CCDC7: variants seen among roughly 807,000 people sequenced by gnomAD.
The protein encoded by CCDC7 is coiled-coil domain containing 7.
Under a neutral mutation model 196.9 loss-of-function variants are expected in CCDC7, and 183 were observed. The observed-to-expected ratio is 0.93, with a 90% CI of 0.82 to 1.05. The LOEUF (loss-of-function observed/expected upper bound fraction) is 1.05. Ranked by LOEUF, CCDC7 falls within the 50% of genes least tolerant of loss-of-function variation. CCDC7 has a pLI of 0.00. For synonymous variants in CCDC7, 525 were observed against 484.6 expected (o/e 1.08, Z -1.10); for missense variants, 1,540 against 1,482.2 (o/e 1.04, Z -0.64).
At chr10:32,722,738 C>G (rs1277973890) in intron 25 of CCDC7, among the ~76,000 whole-genome samples, 1 of 152,006 alleles carries the variant, frequency 6.6e-6, no homozygotes, top group Non-Finnish European at 1.5e-5. Context: ...TTCTGAGATA[C>G]TGAGGGTTAG....
chr10:32,786,622 A>G (rs1364472740), intron 29 of CCDC7, among the ~76,000 whole-genome samples: 1 of 152,158 alleles, frequency 6.6e-6, no homozygotes, highest in East Asian at 1.9e-4. Context: ...TTAGCCGGGC[A>G]TGGTAATGCA....
chr10:32,500,095 C>G lies in CCDC7; in HGVS notation c.872+8098C>G, dbSNP rs1328747485. Among the ~76,000 whole-genome samples the G allele has an allele frequency of 3.3e-5, 5 of 152,342 alleles. No individual in the cohort carries two copies. The East Asian group carries it at 7.7e-4, about 23-fold the overall frequency. On this transcript the variant is annotated intron_variant, in intron 9 of 41. Coordinates refer to ENST00000639629, the Ensembl canonical transcript of CCDC7. ...ACAAAACCGCCACTGTCATCATGGCCCGTTCTCCATGAGCTGTTGGGTACA... is the reference window on the plus strand; with the variant it reads ...ACAAAACCGCCACTGTCATCATGGCGCGTTCTCCATGAGCTGTTGGGTACA...
chr10:32,652,131 T>C (rs1383164948), intron 20 of CCDC7, among the ~76,000 whole-genome samples: 1 of 152,176 alleles, frequency 6.6e-6, no homozygotes, highest in Non-Finnish European at 1.5e-5. Flanking sequence ...TGTTACATCC[T>C]TCTGTTGTAT....
upstream of CCDC7, among the ~76,000 whole-genome samples, chr10:32,443,443 G>C (rs1014671274): frequency 4.9e-5 from 7 of 141,850 alleles, no homozygotes; most frequent in African/African-American, 1.6e-4. Flanking sequence ...AATATGTATG[G>C]TATGTGTCCA....
At chr10:32,859,261 AACTC>A (rs2093879665) in intron 41 of CCDC7, among the ~76,000 whole-genome samples, 1 of 152,224 alleles carries the variant, frequency 6.6e-6, no homozygotes, top group Admixed American at 6.5e-5. Context: ...AGGATTAAGA[AACTC>A]ACTCAAAACC....
At chr10:32,584,436 A>G (rs1177944751) in intron 18 of CCDC7, 132 bp downstream of exon 19, 1 of 526,300 alleles carries the variant, frequency 1.9e-6, no homozygotes, top group Non-Finnish European at 3.3e-6. Context: ...ACTGGATAGC[A>G]TACAAATATA....
intron 16 of CCDC7, among the ~76,000 whole-genome samples, chr10:32,578,474 T>A (rs760943974): frequency 2.0e-5 from 3 of 151,578 alleles, no homozygotes; most frequent in Non-Finnish European, 4.4e-5. Context: ...GAGCTTGTTT[T>A]CCTGCAACTA....
chr10:32,539,522 C>T (rs868037665), intron 11 of CCDC7, among the ~76,000 whole-genome samples: 21 of 151,902 alleles, frequency 1.4e-4, no homozygotes, highest in Non-Finnish European at 2.5e-4. Flanking sequence ...TCAATTTCTT[C>T]AGTTCAATTC....
chr10:32,848,530 A>G, intron 38 of CCDC7, 66 bp from the exon 40 acceptor site: 1 of 1,148,566 alleles, frequency 8.7e-7, no homozygotes, highest in Non-Finnish European at 1.3e-6. Flanking sequence ...AAATACGTGG[A>G]GATGGGATTA....
At chr10:32,759,886 A>C (rs1002166929) in intron 28 of CCDC7, among the ~76,000 whole-genome samples, 2 of 152,148 alleles carry the variant, frequency 1.3e-5, no homozygotes, top group African/African-American at 4.8e-5. Flanking sequence ...ATGAACTCAA[A>C]CAAATTTGCA....
intron 41 of CCDC7, among the ~76,000 whole-genome samples, chr10:32,863,967 A>G (rs1593586847): frequency 6.7e-6 from 1 of 150,154 alleles, no homozygotes; most frequent in East Asian, 1.9e-4. Flanking sequence ...AACAAAATGA[A>G]AAGGCAACCT....
At chr10:32,874,613 T>A (rs1400258171) in intron 41 of CCDC7, among the ~76,000 whole-genome samples, 3 of 151,678 alleles carry the variant, frequency 2.0e-5, no homozygotes, top group African/African-American at 7.3e-5. Flanking sequence ...AGACATTATT[T>A]CATTACTTTT....
intron 29 of CCDC7, among the ~76,000 whole-genome samples, chr10:32,802,519 C>G (rs1487128204): frequency 2.0e-5 from 3 of 152,116 alleles, no homozygotes; most frequent in African/African-American, 7.2e-5. Context: ...AGAACCACTC[C>G]CAGTACCAAA....
chr10:32,853,347 A>G (rs2093634255), intron 40 of CCDC7, among the ~76,000 whole-genome samples: 1 of 152,192 alleles, frequency 6.6e-6, no homozygotes, highest in East Asian at 1.9e-4. Flanking sequence ...AATGAAAACT[A>G]TAATAGCATA....
At chr10:32,615,440 C>T (rs1377304985) in intron 18 of CCDC7, among the ~76,000 whole-genome samples, 4 of 151,946 alleles carry the variant, frequency 2.6e-5, no homozygotes, top group East Asian at 1.9e-4. Flanking sequence ...AAGATTGGAC[C>T]GTCTTTCATA....
chr10:32,668,199 T>C (rs1399753739), intron 21 of CCDC7, among the ~76,000 whole-genome samples: 1 of 152,190 alleles, frequency 6.6e-6, no homozygotes, highest in Non-Finnish European at 1.5e-5. Context: ...AGAATGCTTG[T>C]GATTTTTGCA....
chr10:32,683,884 A>G (rs559510052), intron 21 of CCDC7, among the ~76,000 whole-genome samples: 2 of 152,298 alleles, frequency 1.3e-5, no homozygotes, highest in South Asian at 4.1e-4. Context: ...ACCTGCATGA[A>G]AAGCAGTGTG....
chr10:32,597,717 C>A (rs2060542452), intron 18 of CCDC7, among the ~76,000 whole-genome samples: 1 of 152,206 alleles, frequency 6.6e-6, no homozygotes, highest in Admixed American at 6.5e-5. Flanking sequence ...CATGTCCTTT[C>A]TGTTTGTTAG....
chr10:32,839,159 A>G (rs2136055433), intron 33 of CCDC7, among the ~76,000 whole-genome samples: 1 of 152,114 alleles, frequency 6.6e-6, no homozygotes, highest in African/African-American at 2.4e-5. Context: ...TTGAATGTAA[A>G]TGACCTAAAT....
Sources: allele counts gnomAD v4.1 joint callset (sites outside exome capture counted in the v4.1 genomes callset), GRCh38; gene constraint gnomAD v4.1.1; transcripts MANE v1.5; gene names NCBI Gene and HGNC (gene_info 2026-07-23, HGNC 2026-07-21).